C16orf92: variants seen among roughly 807,000 people sequenced by gnomAD.
The protein encoded by C16orf92 is fertilization-influencing membrane protein 1, also known as fertilization-influencing membrane protein.
In C16orf92, 14 loss-of-function variants were observed where a neutral mutation model predicts 13.7. That is an observed-to-expected ratio of 1.02 (90% CI 0.67 to 1.60). C16orf92 has a LOEUF of 1.60. C16orf92 is among the 40% of genes most tolerant of loss of function. The pLI, the probability that C16orf92 is intolerant of heterozygous loss-of-function variation, is 0.00. For missense variants in C16orf92, 116 were observed against 139.0 expected (o/e 0.83, Z 0.83); for synonymous variants, 50 against 57.4 (o/e 0.87, Z 0.58).
At chr16:30,026,311 G>C (rs148278000), downstream of C16orf92, among the ~76,000 whole-genome samples, 2 of 152,148 alleles carry the variant, frequency 1.3e-5, no homozygotes, top group East Asian at 3.8e-4. Context: ...TCACGGTCCT[G>C]CAGAAAGACT....
intron 1 of C16orf92, 65 bp downstream of exon 1, chr16:30,023,469 A>T: frequency 6.6e-7 from 1 of 1,525,716 alleles, no homozygotes; most frequent in Non-Finnish European, 9.0e-7. Context: ...TGTGATGCCC[A>T]CTTAGGGACT....
Position 30,024,290 on chromosome 16 carries a change from G to A in C16orf92, c.*63G>A. 1 of 1,567,726 alleles carries A rather than the reference G, an allele frequency of 6.4e-7. No individual in the cohort carries two copies. The highest frequency in any genetic ancestry group is 1.7e-5 in the Admixed American group (1 of 58,594). On this transcript the variant is annotated 3_prime_UTR_variant, in exon 4 of 4. Transcript: ENST00000681219. ...CACACCCACCTCCTCTCCTGTTGATGAGCAAAAGTTCCCTGCTTTCCTCCT... is the reference window on the plus strand; with the variant it reads ...CACACCCACCTCCTCTCCTGTTGATAAGCAAAAGTTCCCTGCTTTCCTCCT...
downstream of C16orf92, chr16:30,026,816 T>A: frequency 6.2e-7 from 1 of 1,613,896 alleles, no homozygotes; most frequent in Non-Finnish European, 8.5e-7. Context: ...GCACAGCAAA[T>A]TGCGTGTAGG....
At chr16:30,027,074 C>T (rs2038119759), downstream of C16orf92, 1 of 649,878 alleles carries the variant, frequency 1.5e-6, no homozygotes, top group Admixed American at 2.1e-5. Flanking sequence ...ACCCATGTTC[C>T]TCTCTCTCTG....
At chr16:30,027,636 A>C, downstream of C16orf92, 1 of 456,136 alleles carries the variant, frequency 2.2e-6, no homozygotes, top group Non-Finnish European at 4.4e-6. Context: ...AATGCAGAGC[A>C]AAAGGAGCCA....
At chr16:30,025,635 A>T, downstream of C16orf92, 1 of 1,488,750 alleles carries the variant, frequency 6.7e-7, no homozygotes. The surrounding 1 kb of genome is among the most constrained non-coding windows in gnomAD (Gnocchi z 4.1). Context: ...GGGATGACGA[A>T]GGGGCTAGAG....
At position 30,024,664 on chromosome 16, in the gene C16orf92, T is replaced by A; in HGVS notation, c.*437T>A. ...CCTTCCCCCAACCCAACAGACTAGTTCAAATTTGGGTAAATAAATAAAATA... is the reference window on the plus strand; with the variant it reads ...CCTTCCCCCAACCCAACAGACTAGTACAAATTTGGGTAAATAAATAAAATA... On this transcript the variant is annotated 3_prime_UTR_variant, in exon 4 of 4. Transcript: ENST00000681219. The A allele has an allele frequency of 4.9e-6, 1 of 203,014 alleles. No homozygotes were observed. The highest frequency in any genetic ancestry group is 9.8e-6 in the Non-Finnish European group (1 of 101,584). The allele number at this position is 203,014 out of a possible 1,614,324, so 12.6% of individuals were successfully genotyped here.
At chr16:30,025,760 G>A (rs763939015), downstream of C16orf92, 5 of 1,614,032 alleles carry the variant, frequency 3.1e-6, no homozygotes, top group Non-Finnish European at 4.2e-6. This position sits in a 1 kb window ranked among gnomAD's most constrained non-coding sequence, Gnocchi z 4.1. Context: ...GACGAAGGGC[G>A]TGCTGACCTC....
In C16orf92 at chr16:30,024,626, G is replaced by A. The variant is rs1047692372; in HGVS notation, c.*399G>A. The A allele has an allele frequency of 5.2e-5, 13 of 248,566 alleles. No individual in the cohort carries two copies. The highest frequency in any genetic ancestry group is 2.9e-4 in the African/African-American group (13 of 44,620). 15.4% of individuals were successfully genotyped at this position (248,566 alleles called of 1,614,324 possible). A position where few individuals can be genotyped will look rare whatever the true frequency, so the allele number is the denominator to read the frequency against. ...TTGTCAGCACTGGGAAGGCTTGGGG[G>A]TAGCAGCCACCTCCTTCCCCCAACC... On this transcript the variant is annotated 3_prime_UTR_variant, in exon 4 of 4. Transcript: ENST00000681219.
rs925508334 is a variant in C16orf92, at chr16:30,024,330, C to A, written c.*103C>A. On this transcript the variant is annotated 3_prime_UTR_variant, in exon 4 of 4. Transcript: ENST00000681219. ...GCTTTCCTCCTCCCTGACTGCCCAG[C>A]GAGCAGCTGGGGATCCTGTCCCCTC... 2 of 1,445,686 alleles carry A rather than the reference C, an allele frequency of 1.4e-6. No individual in the cohort carries two copies. Among genetic ancestry groups the A allele is most frequent in the East Asian group, 2.4e-5 (1 of 42,382 alleles). The allele number at this position is 1,445,686 out of a possible 1,614,324, so 89.6% of individuals were successfully genotyped here.
At chr16:30,026,666 C>T, downstream of C16orf92, 11 of 1,613,910 alleles carry the variant, frequency 6.8e-6, no homozygotes, top group Non-Finnish European at 9.3e-6. Flanking sequence ...CCATGAGGAA[C>T]TCCTTGTGCA....
chr16:30,025,508 C>T (rs1596730700), downstream of C16orf92: 1 of 1,605,158 alleles, frequency 6.2e-7, no homozygotes, highest in Middle Eastern at 1.7e-4. The surrounding 1 kb of genome is among the most constrained non-coding windows in gnomAD (Gnocchi z 4.1). Flanking sequence ...AGCAGAAGGG[C>T]TCGGCCCCCC....
downstream of C16orf92, chr16:30,025,056 C>T (rs973874395): frequency 2.4e-5 from 15 of 629,634 alleles, no homozygotes; most frequent in African/African-American, 7.7e-5. The surrounding 1 kb of genome is among the most constrained non-coding windows in gnomAD (Gnocchi z 4.1). Context: ...TCTTCCCTTT[C>T]GGGGTCATCG....
At chr16:30,024,122 AC>A in intron 3 of C16orf92, 36 bp downstream of exon 3, 1 of 1,607,802 alleles carries the variant, frequency 6.2e-7, no homozygotes, top group South Asian at 1.1e-5. Context: ...CCCACCCACC[AC>A]CACCTTCCTT....
At chr16:30,026,802 T>C (rs1418456571), downstream of C16orf92, 1 of 1,613,958 alleles carries the variant, frequency 6.2e-7, no homozygotes, top group Non-Finnish European at 8.5e-7. Context: ...GTAGATGAAG[T>C]AGGGCACAGC....
downstream of C16orf92, chr16:30,025,436 A>G (rs1372668682): frequency 6.2e-7 from 1 of 1,612,658 alleles, no homozygotes; most frequent in Non-Finnish European, 8.5e-7. This position sits in a 1 kb window ranked among gnomAD's most constrained non-coding sequence, Gnocchi z 4.1. Flanking sequence ...GGCCCCGTTC[A>G]CCTTGTGCAG....
At chr16:30,027,440 A>G (rs539286859), downstream of C16orf92, among the ~76,000 whole-genome samples, 2 of 152,360 alleles carry the variant, frequency 1.3e-5, no homozygotes, top group East Asian at 1.9e-4. Flanking sequence ...AGGAAGGGAC[A>G]TGGGCGGTGT....
downstream of C16orf92, chr16:30,025,795 G>C (rs1201981197): frequency 6.2e-7 from 1 of 1,614,116 alleles, no homozygotes; most frequent in Admixed American, 1.7e-5. This position sits in a 1 kb window ranked among gnomAD's most constrained non-coding sequence, Gnocchi z 4.1. Flanking sequence ...AACCCAGAAA[G>C]AAGTCTCCCT....
downstream of C16orf92, chr16:30,026,844 C>T (rs866123754): frequency 6.2e-7 from 1 of 1,613,402 alleles, no homozygotes; most frequent in Non-Finnish European, 8.5e-7. Context: ...CAGCCAGTGT[C>T]TGTTGGGCAG....
Sources: gnomAD v4.1 joint callset for allele counts (sites outside exome capture counted in the v4.1 genomes callset) on GRCh38, gnomAD v4.1.1 for gene constraint, Gnocchi (gnomAD v3.1) non-coding constraint, MANE v1.5 for transcripts, NCBI Gene and HGNC (gene_info 2026-07-23, HGNC 2026-07-21) for gene names.